The following VPS13B variants were observed in gnomAD, a reference collection of about 807,000 sequenced individuals.
VPS13B encodes intermembrane lipid transfer protein VPS13B.
In VPS13B, 285 loss-of-function variants were observed where a neutral mutation model predicts 426.4. That is an observed-to-expected ratio of 0.67 (90% CI 0.61 to 0.74). VPS13B has a LOEUF of 0.74. Ranked by LOEUF, VPS13B falls within the 30% of genes least tolerant of loss-of-function variation. The pLI is 0.00. For missense variants in VPS13B, 4,537 were observed against 4,782.6 expected (o/e 0.95, Z 1.51); for synonymous variants, 1,676 against 1,676.4 (o/e 1.00, Z 0.01).
intron 19 of VPS13B, among the ~76,000 whole-genome samples, chr8:99,303,578 T>G (rs985170600): frequency 2.6e-5 from 4 of 151,174 alleles, no homozygotes; most frequent in Non-Finnish European, 5.9e-5. Context: ...ACGTGTAATG[T>G]GGCTTTAGAA....
At chr8:99,140,001 T>C (rs985601437) in intron 12 of VPS13B, among the ~76,000 whole-genome samples, 2 of 152,168 alleles carry the variant, frequency 1.3e-5, no homozygotes, top group African/African-American at 2.4e-5. Context: ...GAGTTTGTAG[T>C]GAATCCTGAT....
chr8:99,119,879 TTTG>T (rs902478621), intron 7 of VPS13B, among the ~76,000 whole-genome samples: 2 of 152,006 alleles, frequency 1.3e-5, no homozygotes, highest in African/African-American at 4.8e-5. Context: ...GTGTTTTTTT[TTTG>T]TTTGTTTTTT....
chr8:99,482,815 C>T (rs1171469141), intron 25 of VPS13B, among the ~76,000 whole-genome samples: 3 of 152,070 alleles, frequency 2.0e-5, no homozygotes, highest in African/African-American at 4.8e-5. Context: ...TTTTTCAGGA[C>T]TGCCCTATTC....
chr8:99,447,786 AGAGGG>A (rs1253083053), intron 23 of VPS13B, among the ~76,000 whole-genome samples: 3 of 151,942 alleles, frequency 2.0e-5, no homozygotes, highest in Non-Finnish European at 4.4e-5. Flanking sequence ...TTTTTTTAGG[AGAGGG>A]ATCATTCAAC....
At chr8:99,200,405 T>G (rs1218054187) in intron 17 of VPS13B, among the ~76,000 whole-genome samples, 1 of 152,178 alleles carries the variant, frequency 6.6e-6, no homozygotes, top group Non-Finnish European at 1.5e-5. Flanking sequence ...TTTTATTTCT[T>G]TTGTGTATAT....
At chr8:99,713,035 A>G (rs575901667) in intron 36 of VPS13B, among the ~76,000 whole-genome samples, 1 of 152,338 alleles carries the variant, frequency 6.6e-6, no homozygotes, top group African/African-American at 2.4e-5. Flanking sequence ...TTTTAAGACA[A>G]AGCCTCATAA....
intron 19 of VPS13B, among the ~76,000 whole-genome samples, chr8:99,308,176 T>C (rs1019407699): frequency 2.6e-5 from 4 of 152,006 alleles, no homozygotes; most frequent in Admixed American, 2.0e-4. Flanking sequence ...TATTTTTTAT[T>C]TTTAATTTTT....
At chr8:99,684,626 C>T (rs752640828) in intron 35 of VPS13B, among the ~76,000 whole-genome samples, 1 of 152,114 alleles carries the variant, frequency 6.6e-6, no homozygotes, top group Non-Finnish European at 1.5e-5. Flanking sequence ...ATATACTTTT[C>T]AAAATTCTCA....
intron 19 of VPS13B, among the ~76,000 whole-genome samples, chr8:99,319,471 A>G (rs1809857724): frequency 6.6e-6 from 1 of 152,224 alleles, no homozygotes; most frequent in South Asian, 2.1e-4. Flanking sequence ...CAGGTTTTTA[A>G]CTTACATGGA....
chr8:99,060,345 A>C (rs1844114120), intron 3 of VPS13B, among the ~76,000 whole-genome samples: 1 of 152,152 alleles, frequency 6.6e-6, no homozygotes, highest in African/African-American at 2.4e-5. Context: ...GTGGTGGTTC[A>C]CCCATGTAAT....
intron 24 of VPS13B, among the ~76,000 whole-genome samples, chr8:99,481,395 G>A (rs1158033607): frequency 3.9e-5 from 6 of 152,150 alleles, no homozygotes; most frequent in African/African-American, 1.4e-4. Context: ...TTAATCCACA[G>A]GAATGCTAGG....
At chr8:99,026,073 G>T (rs1842123824) in intron 2 of VPS13B, among the ~76,000 whole-genome samples, 1 of 151,714 alleles carries the variant, frequency 6.6e-6, no homozygotes, top group African/African-American at 2.4e-5. Flanking sequence ...GCTTTTCTAG[G>T]TCCTTGACAT....
chr8:99,606,691 G>A (rs1356893582), intron 33 of VPS13B, among the ~76,000 whole-genome samples: 3 of 144,986 alleles, frequency 2.1e-5, no homozygotes, highest in African/African-American at 5.1e-5. Context: ...GTGCAGTGAC[G>A]TGATCTCAGC....
At chr8:99,372,752 G>A (rs1338723663) in intron 19 of VPS13B, among the ~76,000 whole-genome samples, 2 of 152,216 alleles carry the variant, frequency 1.3e-5, no homozygotes, top group South Asian at 4.1e-4. Flanking sequence ...GGACGACAGT[G>A]TGGCAATTCC....
At chr8:99,261,434 G>A (rs1005163460) in intron 17 of VPS13B, among the ~76,000 whole-genome samples, 1 of 151,980 alleles carries the variant, frequency 6.6e-6, no homozygotes, top group Admixed American at 6.6e-5. Context: ...AATATTTCTT[G>A]TCTGGATTTA....
intron 21 of VPS13B, among the ~76,000 whole-genome samples, chr8:99,392,240 A>G (rs1334500816): frequency 6.6e-6 from 1 of 152,112 alleles, no homozygotes; most frequent in Non-Finnish European, 1.5e-5. Flanking sequence ...CCTTTCTCTC[A>G]TACTCTCTGC....
Position 99,832,405 on chromosome 8 carries a change from T to C in VPS13B, c.9367T>C (p.Cys3123Arg). 2 of 1,558,756 alleles carry C rather than the reference T, an allele frequency of 1.3e-6. No homozygotes were observed. Among genetic ancestry groups the C allele is most frequent in the Non-Finnish European group, 1.7e-6 (2 of 1,151,026 alleles). ...RVPDSATFSI[C>R]PGGEQPAMKS... is the part of the protein sequence containing the mutation. ...TCCAGACAGTGCTACTTTTAGCATT[T>C]GCCCAGGTGGAGAGCAGCCTGCTAT... is the stretch of plus-strand genomic sequence containing the variant. Residue 3123 changes from cysteine (C) to arginine (R), a missense_variant, in exon 52 of 62, where the codon TGC (cysteine) becomes CGC (arginine). Coordinates refer to ENST00000357162, the MANE Select transcript of VPS13B (RefSeq NM_152564.5).
intron 34 of VPS13B, among the ~76,000 whole-genome samples, chr8:99,651,338 A>G (rs1277779184): frequency 6.6e-6 from 1 of 152,200 alleles, no homozygotes; most frequent in Non-Finnish European, 1.5e-5. Flanking sequence ...TAAGCTATAC[A>G]TAGCAATATG....
Position 99,475,474 on chromosome 8 carries a change from C to T in VPS13B, c.3667-6125C>T, listed in dbSNP as rs1403675521. Among the ~76,000 whole-genome samples the T allele has an allele frequency of 2.0e-5, 3 of 152,104 alleles. No homozygotes were observed. The South Asian group carries it at 6.2e-4, about 32-fold the overall frequency. ...TTATCCATAGCTGTCCTAGCTAACA[C>T]AAAAAATATTCTTAGACTCCACTAT... On this transcript the variant is annotated intron_variant, in intron 24 of 61. Transcript: ENST00000357162.
Sources: allele counts gnomAD v4.1 joint callset (sites outside exome capture counted in the v4.1 genomes callset), GRCh38; gene constraint gnomAD v4.1.1; transcripts MANE v1.5; gene names NCBI Gene and HGNC (gene_info 2026-07-23, HGNC 2026-07-21).